TMEM95: variants seen among roughly 807,000 people sequenced by gnomAD.
TMEM95 encodes transmembrane protein 95, also known as sperm-egg fusion protein TMEM95.
In TMEM95, 21 loss-of-function variants were observed where a neutral mutation model predicts 27.7. The observed-to-expected ratio is 0.76, with a 90% confidence interval of 0.54 to 1.09. The LOEUF is 1.09. Ranked by LOEUF, TMEM95 falls within the 50% of genes least tolerant of loss-of-function variation. The pLI, the probability that TMEM95 is intolerant of heterozygous loss-of-function variation, is 0.00. For synonymous variants in TMEM95, 77 were observed against 85.7 expected, an observed-to-expected ratio of 0.90 and a Z score of 0.56; for missense variants, 203 against 217.9, an observed-to-expected ratio of 0.93 and a Z score of 0.43.
Position 7,355,390 on chromosome 17 carries a change from A to G in TMEM95, c.169+17A>G. ...TTGCCTTAGGTAGGACCAGACATCC[A>G]GGGATGGGCCCAGCAAGCACTCACC... is the stretch of plus-strand genomic sequence containing the variant. On this transcript the variant is annotated intron_variant, in intron 1 of 6. Transcript: ENST00000576060. This position sits in a 1 kb window ranked among gnomAD's most constrained non-coding sequence, Gnocchi z 4.9. 1 of 1,602,054 alleles carries G rather than the reference A, an allele frequency of 6.2e-7. No homozygotes were observed. Among genetic ancestry groups the G allele is most frequent in the Non-Finnish European group, 8.5e-7 (1 of 1,171,774 alleles).
In TMEM95 at chr17:7,356,964, A is replaced by C; in HGVS notation, c.*332A>C. ...ACAGAAGGAAAGAATCCCCTACGCC[A>C]CTCCCACCACACCCACACCCCCTTC... On this transcript the variant is annotated 3_prime_UTR_variant, in exon 7 of 7. Coordinates refer to ENST00000576060, the MANE Select transcript of TMEM95 (RefSeq NM_001320436.2). 2.6e-6 allele frequency: 1 copy of C among 382,888 alleles called. No individual in the cohort carries two copies. The highest frequency in any genetic ancestry group is 4.3e-5 in the Admixed American group (1 of 23,324). The allele number at this position is 382,888 out of a possible 1,614,324, so 23.7% of individuals were successfully genotyped here. A position where few individuals can be genotyped will look rare whatever the true frequency, so the allele number is the denominator to read the frequency against.
At chr17:7,356,535 A>G in intron 6 of TMEM95, 56 bp downstream of exon 6, 1 of 1,607,646 alleles carries the variant, frequency 6.2e-7, no homozygotes, top group Non-Finnish European at 8.5e-7. Flanking sequence ...TCCACCACCC[A>G]TCCTCCCTCC....
In TMEM95 at chr17:7,355,518, G is replaced by A. The variant is rs531801104; in HGVS notation, c.170-68G>A. ...TCCCTCTGAGAGAGCTCCATATCTG[G>A]GAAAGTCAGGAGAGACCCCAGAACC... On this transcript the variant is annotated intron_variant, in intron 1 of 6. Coordinates refer to ENST00000576060, the MANE Select transcript of TMEM95 (RefSeq NM_001320436.2). This position sits in a 1 kb window ranked among gnomAD's most constrained non-coding sequence, Gnocchi z 4.9. 2.6e-3 allele frequency: 3,957 copies of A among 1,538,176 alleles called. 12 individuals are homozygous for A. Among genetic ancestry groups the A allele is most frequent in the Non-Finnish European group, 2.9e-3 (3,279 of 1,137,918 alleles).
At chr17:7,356,074 C>G (rs765457109) in intron 4 of TMEM95, 25 bp downstream of exon 4, 3 of 1,613,934 alleles carry the variant, frequency 1.9e-6, no homozygotes, top group Admixed American at 1.7e-5. Flanking sequence ...AAAGGGGTAG[C>G]AAGGACCTGG....
At position 7,356,706 on chromosome 17, in the gene TMEM95, C is replaced by T; in HGVS notation, c.*74C>T. On this transcript the variant is annotated 3_prime_UTR_variant, in exon 7 of 7. Transcript: ENST00000576060. ...AACTTCCACATCCCTTGGAGGGGAA[C>T]CAGTCAGCCCCTTAGTCCCAGCTCC... 6.6e-7 allele frequency: 1 copy of T among 1,514,642 alleles called. No homozygotes were observed. Among genetic ancestry groups the T allele is most frequent in the Non-Finnish European group, 9.1e-7 (1 of 1,098,078 alleles). The allele number at this position is 1,514,642 out of a possible 1,614,324, so 93.8% of individuals were successfully genotyped here.
At position 7,356,146 on chromosome 17, in the gene TMEM95, G is replaced by T; in HGVS notation, c.329-50G>T. On this transcript the variant is annotated intron_variant, in intron 4 of 6. Transcript: ENST00000576060. ...AGGAGGAAGCTGGGTACCAGGCAGG[G>T]TGGAGGCCCGGCCTCCCCTCCCCAG... is the stretch of plus-strand genomic sequence containing the variant. 2.5e-6 allele frequency: 4 copies of T among 1,597,352 alleles called. No homozygotes were observed. In the East Asian group the frequency reaches 9.0e-5, roughly 36 times the overall value.
In TMEM95 at chr17:7,356,239, G is replaced by A. The variant is rs745617422; in HGVS notation, c.372G>A (p.Thr124=). Reference sequence around the variant, plus strand: ...ACAACTGCTCCACCTGCAAGGGGACGGAGGTGTCCTGCTGGCCCCGAAAGC... The same window carrying A: ...ACAACTGCTCCACCTGCAAGGGGACAGAGGTGTCCTGCTGGCCCCGAAAGC... ...TLYNCSTCKG[T]EVSCWPRKRC... The change falls in exon 5 of 7, where the codon ACG becomes ACA. Residue 124 remains threonine, a synonymous_variant. Transcript: ENST00000576060. 1.3e-5 allele frequency: 21 copies of A among 1,568,186 alleles called. No individual in the cohort carries two copies. The highest frequency in any genetic ancestry group is 1.1e-4 in the African/African-American group (8 of 73,744).
Position 7,355,407 on chromosome 17 carries a change from G to A in TMEM95, c.169+34G>A. ...AGACATCCAGGGATGGGCCCAGCAA[G>A]CACTCACCCCCCTACCCCCAGAGGG... On this transcript the variant is annotated intron_variant, in intron 1 of 6. Transcript: ENST00000576060. This position sits in a 1 kb window ranked among gnomAD's most constrained non-coding sequence, Gnocchi z 4.9. The A allele has an allele frequency of 6.3e-7, 1 of 1,594,726 alleles. No individual in the cohort carries two copies. The highest frequency in any genetic ancestry group is 8.6e-7 in the Non-Finnish European group (1 of 1,167,776).
chr17:7,355,179 C>T lies in TMEM95; in HGVS notation c.-26C>T, dbSNP rs370363210. On this transcript the variant is annotated 5_prime_UTR_variant, in exon 1 of 7. Coordinates refer to ENST00000576060, the MANE Select transcript of TMEM95 (RefSeq NM_001320436.2). This position sits in a 1 kb window ranked among gnomAD's most constrained non-coding sequence, Gnocchi z 4.9. ...GCATTCCTCGGCTCAGCTGGGGCAG[C>T]GCCGCCCCATCCCCCAGTGGTCCTC... 8.7e-6 allele frequency: 14 copies of T among 1,603,826 alleles called. No homozygotes were observed. Among genetic ancestry groups the T allele is most frequent in the East Asian group, 6.8e-5 (3 of 44,322 alleles).
In TMEM95 at chr17:7,356,206, C is replaced by CA; in HGVS notation, c.340dup (p.Thr114AsnfsTer94). On this transcript the variant is annotated frameshift_variant, in exon 5 of 7. Transcript: ENST00000576060. LOFTEE classifies it high-confidence loss of function. ...TGCTGTCTCCTGCAGGGGGCAGCACCACGCTGTACAACTGCTCCACCTGCA... is the reference window on the plus strand; with the variant it reads ...TGCTGTCTCCTGCAGGGGGCAGCACCAACGCTGTACAACTGCTCCACCTGCA... The CA allele has an allele frequency of 6.4e-7, 1 of 1,568,308 alleles. No homozygotes were observed. Among genetic ancestry groups the CA allele is most frequent in the South Asian group, 1.2e-5 (1 of 84,156 alleles).
At position 7,355,869 on chromosome 17, in the gene TMEM95, A is replaced by T; in HGVS notation, c.258A>T (p.Ser86=). 6.2e-7 allele frequency: 1 copy of T among 1,613,966 alleles called. No individual in the cohort carries two copies. The change falls in exon 3 of 7, where the codon TCA becomes TCT. Residue 86 remains serine (S), a synonymous_variant. Transcript: ENST00000576060. This position sits in a 1 kb window ranked among gnomAD's most constrained non-coding sequence, Gnocchi z 4.9. ...EIKEAVSSLP[S]YWSWLRKTKL... ...AAGAGGCTGTCTCCTCACTCCCTTCATATTGGAGTTGGCTTCGAAAGACCA... is the reference window on the plus strand; with the variant it reads ...AAGAGGCTGTCTCCTCACTCCCTTCTTATTGGAGTTGGCTTCGAAAGACCA...
Position 7,355,660 on chromosome 17 carries a change from G to A in TMEM95, c.226+18G>A, listed in dbSNP as rs375495140. The A allele has an allele frequency of 2.6e-6, 4 of 1,543,548 alleles. No individual in the cohort carries two copies. The highest frequency in any genetic ancestry group is 1.9e-5 in the Admixed American group (1 of 51,768). On this transcript the variant is annotated intron_variant, in intron 2 of 6. Transcript: ENST00000576060. This position sits in a 1 kb window ranked among gnomAD's most constrained non-coding sequence, Gnocchi z 4.9. ...GGTCATGGGTGAGGTCAAGGGGAAA[G>A]AGTGACCTAGGGGCTTGGGAGGATA...
chr17:7,356,519 G>A (rs751241102), intron 6 of TMEM95, 40 bp downstream of exon 6: 1 of 1,612,664 alleles, frequency 6.2e-7, no homozygotes, highest in Non-Finnish European at 8.5e-7. Flanking sequence ...ACCCCGCCCA[G>A]TGCCTTCCAC....
rs765089589 is a variant in TMEM95, at chr17:7,355,872, T to C, written c.261T>C (p.Tyr87=). The C allele has an allele frequency of 1.2e-6, 2 of 1,613,958 alleles. No homozygotes were observed. The highest frequency in any genetic ancestry group is 1.7e-6 in the Non-Finnish European group (2 of 1,179,980). ...AGGCTGTCTCCTCACTCCCTTCATA[T>C]TGGAGTTGGCTTCGAAAGACCAAGC... ...IKEAVSSLPS[Y]WSWLRKTKLP... The change falls in exon 3 of 7, where the codon TAT becomes TAC. Residue 87 remains tyrosine (Y), a synonymous_variant. Coordinates refer to ENST00000576060, the MANE Select transcript of TMEM95 (RefSeq NM_001320436.2). This position sits in a 1 kb window ranked among gnomAD's most constrained non-coding sequence, Gnocchi z 4.9.
At chr17:7,356,569 C>T (rs747257055) in intron 6 of TMEM95, 30 bp from the exon 7 acceptor site, 22 of 1,611,646 alleles carry the variant, frequency 1.4e-5, no homozygotes, top group Middle Eastern at 1.7e-4. Flanking sequence ...AGGCCCCTCC[C>T]GTAGGCTTCC....
At position 7,355,940 on chromosome 17, in the gene TMEM95, C is replaced by T. The variant is rs761594304; in HGVS notation, c.307+22C>T. 7 of 1,613,786 alleles carry T rather than the reference C, an allele frequency of 4.3e-6. No individual in the cohort carries two copies. The Admixed American group carries it at 8.3e-5, about 19-fold the overall frequency. ...GAAGGTACCGATGCGGGATGGGCCT[C>T]AAGGGGAGCCTAGGGTCTTAACCAA... On this transcript the variant is annotated intron_variant, in intron 3 of 6. Coordinates refer to ENST00000576060, the MANE Select transcript of TMEM95 (RefSeq NM_001320436.2). The surrounding 1 kb of genome is among the most constrained non-coding windows in gnomAD (Gnocchi z 4.9).
Position 7,356,644 on chromosome 17 carries a change from ACCTC to A in TMEM95, c.*15_*18del. 6.2e-7 allele frequency: 1 copy of A among 1,607,088 alleles called. No individual in the cohort carries two copies. The highest frequency in any genetic ancestry group is 1.1e-5 in the South Asian group (1 of 90,554). ...AAAGTGGCTTGTGAAGACGCTGAAA[ACCTC>A]CCAGCCTCCAGCTCTAAGGGGTATG... On this transcript the variant is annotated 3_prime_UTR_variant, in exon 7 of 7. Transcript: ENST00000576060.
At position 7,356,257 on chromosome 17, in the gene TMEM95, C is replaced by G. The variant is rs1044959281; in HGVS notation, c.390C>G (p.Pro130=). ...TCKGTEVSCW[P]RKRCFPGSQD... is the part of the protein sequence containing the mutation. ...AGGGGACGGAGGTGTCCTGCTGGCC[C>G]CGAAAGCGCTGCTTCCCAGGTCCTC... Residue 130 remains proline, a synonymous_variant, in exon 5 of 7, where the codon CCC becomes CCG. Transcript: ENST00000576060. 1 of 1,572,406 alleles carries G rather than the reference C, an allele frequency of 6.4e-7. No homozygotes were observed.
In TMEM95 at chr17:7,355,234, C is replaced by G; in HGVS notation, c.30C>G (p.Phe10Leu). Residue 10 changes from phenylalanine to leucine, a missense_variant, in exon 1 of 7, where the codon TTC becomes TTG. Transcript: ENST00000576060. The surrounding 1 kb of genome is among the most constrained non-coding windows in gnomAD (Gnocchi z 4.9). Reference sequence around the variant, plus strand: ...GGAGGCTGGCACTAGGCGGGGTTTTCCTGGCAGCCGCCCAGGCTTGTGTCT... The same window carrying G: ...GGAGGCTGGCACTAGGCGGGGTTTTGCTGGCAGCCGCCCAGGCTTGTGTCT... MWRLALGGV[F>L]LAAAQACVFC... 1 of 1,613,688 alleles carries G rather than the reference C, an allele frequency of 6.2e-7. No individual in the cohort carries two copies. The highest frequency in any genetic ancestry group is 8.5e-7 in the Non-Finnish European group (1 of 1,179,880).
Sources: allele counts gnomAD v4.1 joint callset, GRCh38; gene constraint gnomAD v4.1.1; non-coding constraint Gnocchi (gnomAD v3.1); transcripts MANE v1.5; gene names NCBI Gene and HGNC (gene_info 2026-07-23, HGNC 2026-07-21).